Variants in NEGR1 observed in about 807,000 individuals in gnomAD.
NEGR1 encodes IgLON family member 4.
Under a neutral mutation model 40.9 loss-of-function variants are expected in NEGR1, and 10 were observed. The ratio of observed to expected loss-of-function variants is 0.24; its 90% CI spans 0.15 to 0.42. NEGR1 has a LOEUF of 0.42. Ranked by LOEUF, NEGR1 falls within the 10% of genes least tolerant of loss-of-function variation. The pLI, the probability that NEGR1 is intolerant of heterozygous loss-of-function variation, is 1.00. For synonymous variants in NEGR1, 185 were observed against 166.8 expected (o/e 1.11, Z -0.84); for missense variants, 352 against 438.9 (o/e 0.80, Z 1.77).
intron 6 of NEGR1, among the ~76,000 whole-genome samples, chr1:71,557,067 C>T (rs574725421): frequency 1.8e-4 from 27 of 151,622 alleles, no homozygotes; most frequent in Non-Finnish European, 2.7e-4. Flanking sequence ...TTGAAGTATT[C>T]ATGAAAGGTC....
intron 1 of NEGR1, among the ~76,000 whole-genome samples, chr1:72,182,629 C>A (rs1652424401): frequency 6.6e-6 from 1 of 151,860 alleles, no homozygotes; most frequent in African/African-American, 2.4e-5. Flanking sequence ...AATAAGTGTA[C>A]TACACAGTTC....
intron 1 of NEGR1, 44 bp from the exon 2 acceptor site, chr1:71,935,355 TGA>T: frequency 7.6e-7 from 1 of 1,315,808 alleles, no homozygotes; most frequent in South Asian, 1.2e-5. Flanking sequence ...AAAATAAAAA[TGA>T]GAGACAACAT....
intron 1 of NEGR1, among the ~76,000 whole-genome samples, chr1:72,146,998 T>C (rs949174163): frequency 1.4e-4 from 22 of 152,218 alleles, no homozygotes; most frequent in African/African-American, 4.6e-4. Context: ...CATACACTTA[T>C]AATAAATGAA....
At chr1:71,475,271 T>C (rs900609313) in intron 6 of NEGR1, among the ~76,000 whole-genome samples, 1 of 152,090 alleles carries the variant, frequency 6.6e-6, no homozygotes, top group Admixed American at 6.5e-5. Flanking sequence ...TATATTATTT[T>C]CCATATATGG....
At chr1:71,507,270 G>A (rs551034705) in intron 6 of NEGR1, among the ~76,000 whole-genome samples, 23 of 152,288 alleles carry the variant, frequency 1.5e-4, no homozygotes, top group African/African-American at 5.1e-4. Context: ...GTATTAAGGT[G>A]CAGTTTACCA....
intron 2 of NEGR1, among the ~76,000 whole-genome samples, chr1:71,834,570 C>A (rs900186796): frequency 6.7e-6 from 1 of 150,242 alleles, no homozygotes; most frequent in African/African-American, 2.4e-5. Flanking sequence ...GGATATTATA[C>A]TTTCAGAATC....
intron 3 of NEGR1, among the ~76,000 whole-genome samples, chr1:71,726,349 C>T (rs1361996936): frequency 1.3e-5 from 2 of 152,070 alleles, no homozygotes; most frequent in African/African-American, 4.8e-5. Flanking sequence ...CTTTGCTCTG[C>T]AGGGTGCCAC....
intron 4 of NEGR1, among the ~76,000 whole-genome samples, chr1:71,688,393 A>G (rs796427154): frequency 1.2e-4 from 4 of 32,122 alleles, no homozygotes; most frequent in East Asian, 6.5e-4. Flanking sequence ...AGATATATAA[A>G]ATATATATAT....
intron 1 of NEGR1, among the ~76,000 whole-genome samples, chr1:72,133,266 A>T (rs1650325314): frequency 6.6e-6 from 1 of 152,126 alleles, no homozygotes; most frequent in African/African-American, 2.4e-5. Flanking sequence ...GCCTAGAAAC[A>T]AAATCTTTTG....
At chr1:71,531,020 A>G (rs1414340830) in intron 6 of NEGR1, among the ~76,000 whole-genome samples, 1 of 151,334 alleles carries the variant, frequency 6.6e-6, no homozygotes, top group African/African-American at 2.4e-5. Context: ...TCCATGTACT[A>G]GGTACTATCC....
chr1:71,552,327 T>TAA (rs983926098), intron 6 of NEGR1, among the ~76,000 whole-genome samples: 8 of 149,890 alleles, frequency 5.3e-5, no homozygotes, highest in Admixed American at 2.0e-4. Flanking sequence ...TATATATATA[T>TAA]AATATAGGGA....
At chr1:72,147,899 A>G (rs185898605) in intron 1 of NEGR1, among the ~76,000 whole-genome samples, 1 of 151,918 alleles carries the variant, frequency 6.6e-6, no homozygotes, top group Non-Finnish European at 1.5e-5. Context: ...CACTGATGCA[A>G]GAGGTGGGTT....
intron 6 of NEGR1, among the ~76,000 whole-genome samples, chr1:71,443,884 A>T (rs563531575): frequency 2.6e-5 from 4 of 152,352 alleles, no homozygotes; most frequent in Admixed American, 6.5e-5. Flanking sequence ...TTTCATTAGC[A>T]CTTTCAACTG....
chr1:71,965,169 C>T (rs1646200295), intron 1 of NEGR1, among the ~76,000 whole-genome samples: 1 of 152,110 alleles, frequency 6.6e-6, no homozygotes, highest in South Asian at 2.1e-4. Flanking sequence ...TGCGCTTTTA[C>T]AATTTCTCAT....
intron 1 of NEGR1, among the ~76,000 whole-genome samples, chr1:72,155,526 T>G (rs72939402): frequency 0.048 from 7,325 of 152,164 alleles, 599 homozygotes; most frequent in African/African-American, 0.17. Flanking sequence ...TATATTTGAT[T>G]TATAAGATAT....
intron 3 of NEGR1, among the ~76,000 whole-genome samples, chr1:71,773,926 C>G (rs983920397): frequency 1.6e-4 from 25 of 152,220 alleles, no homozygotes; most frequent in African/African-American, 6.0e-4. Flanking sequence ...TGCATAATAA[C>G]AAGCACTGCA....
At position 71,398,676 on chromosome 1, in the gene NEGR1, G is replaced by T. The variant is rs1646227252; in HGVS notation, c.*8770C>A. 6.6e-6 allele frequency: 1 copy of T among 152,180 alleles called. No individual in the cohort carries two copies. The highest frequency in any genetic ancestry group is 2.1e-4 in the South Asian group (1 of 4,830). 9.4% of individuals were successfully genotyped at this position (152,180 alleles called of 1,614,324 possible). A position where few individuals can be genotyped will look rare whatever the true frequency, so the allele number is the denominator to read the frequency against. ...TGCTGAAATGAGTTAAGACTTTGAG[G>T]GACTGTTGGGAAAGCATGATTGGTT... On this transcript the variant is annotated 3_prime_UTR_variant, in exon 7 of 7. Transcript: ENST00000357731.
At chr1:71,550,779 G>A (rs1417912093) in intron 6 of NEGR1, among the ~76,000 whole-genome samples, 1 of 151,550 alleles carries the variant, frequency 6.6e-6, no homozygotes, top group Non-Finnish European at 1.5e-5. Flanking sequence ...CATAGGGTAA[G>A]GGCAACAGTC....
At chr1:71,628,873 A>G (rs1650878258) in intron 4 of NEGR1, among the ~76,000 whole-genome samples, 3 of 152,146 alleles carry the variant, frequency 2.0e-5, no homozygotes, top group Admixed American at 2.0e-4. Context: ...TGCAATAAAT[A>G]TATGTGTGCA....
Sources: allele counts gnomAD v4.1 joint callset (sites outside exome capture counted in the v4.1 genomes callset), GRCh38; gene constraint gnomAD v4.1.1; transcripts MANE v1.5; gene names NCBI Gene and HGNC (gene_info 2026-07-23, HGNC 2026-07-21).